GRK5: variants seen among roughly 807,000 people sequenced by gnomAD.
GRK5 encodes G protein-coupled receptor kinase 5, also known as g protein-coupled receptor kinase GRK5.
Under a neutral mutation model 78.4 loss-of-function variants are expected in GRK5, and 40 were observed. The ratio of observed to expected loss-of-function variants is 0.51; its 90% CI spans 0.40 to 0.66. The LOEUF (loss-of-function observed/expected upper bound fraction) is 0.66. Among genes scored for constraint, GRK5 ranks in the 30% least tolerant of loss-of-function variants. The pLI, the probability that GRK5 is intolerant of heterozygous loss-of-function variation, is 0.00. For missense variants in GRK5, 598 were observed against 759.9 expected, an observed-to-expected ratio of 0.79 and a Z score of 2.50; for synonymous variants, 289 against 296.8, an observed-to-expected ratio of 0.97 and a Z score of 0.27.
intron 2 of GRK5, among the ~76,000 whole-genome samples, chr10:119,360,520 G>A (rs1368715077): frequency 6.6e-6 from 1 of 150,764 alleles, no homozygotes; most frequent in East Asian, 2.0e-4. Context: ...GTGAGTGGGA[G>A]GAGCCTGTGT....
In GRK5 at chr10:119,378,976, C is replaced by T. The variant is rs1472120578; in HGVS notation, c.149-1839C>T. Among the ~76,000 whole-genome samples the T allele has an allele frequency of 6.6e-5, 10 of 152,166 alleles. No homozygotes were observed. The highest frequency in any genetic ancestry group is 6.5e-4 in the Admixed American group (10 of 15,288). On this transcript the variant is annotated intron_variant, in intron 2 of 15. Transcript: ENST00000392870. This position sits in a 1 kb window ranked among gnomAD's most constrained non-coding sequence, Gnocchi z 4.5. ...AGCACTGTGGCCAGGAGACAGAGGC[C>T]TTTTGATTGGCTGTGACTGAGTCAC...
intron 2 of GRK5, among the ~76,000 whole-genome samples, chr10:119,363,221 C>T (rs540510660): frequency 3.3e-5 from 5 of 150,212 alleles, no homozygotes; most frequent in South Asian, 2.1e-4. Flanking sequence ...GCAGAGGTTG[C>T]GGTGAGCCAA....
chr10:119,419,689 C>G (rs1337532441), intron 4 of GRK5, among the ~76,000 whole-genome samples: 1 of 152,246 alleles, frequency 6.6e-6, no homozygotes, highest in African/African-American at 2.4e-5. Context: ...TGGGTCACCT[C>G]TAGACCCTGG....
At chr10:119,406,345 C>T (rs1229610176) in intron 4 of GRK5, 2 of 413,066 alleles carry the variant, frequency 4.8e-6, no homozygotes, top group African/African-American at 2.2e-5. Context: ...GAGTCAGGCT[C>T]ATTCCTGATC....
In GRK5 at chr10:119,459,093, C is replaced by T. The variant is rs990182794; in HGVS notation, c.*4026C>T. 6.6e-6 allele frequency: 1 copy of T among 152,212 alleles called. No homozygotes were observed. The highest frequency in any genetic ancestry group is 6.5e-5 in the Admixed American group (1 of 15,280). 9.4% of individuals were successfully genotyped at this position (152,212 alleles called of 1,614,324 possible). On this transcript the variant is annotated 3_prime_UTR_variant, in exon 16 of 16. Coordinates refer to ENST00000392870, the MANE Select transcript of GRK5 (RefSeq NM_005308.3). The stretch of plus-strand genomic sequence containing the variant: ...ATAGGATCTTCCAACTTTTTAGCCC[C>T]GGCTGTGGAAAGATAGTGAGTATGA...
intron 3 of GRK5, among the ~76,000 whole-genome samples, chr10:119,390,648 T>C (rs4752299): frequency 0.61 from 92,429 of 151,956 alleles, 28,714 homozygotes; most frequent in Middle Eastern, 0.75. Flanking sequence ...TGAGCCGAGA[T>C]TGCACCACTG....
intron 3 of GRK5, among the ~76,000 whole-genome samples, chr10:119,395,550 G>C (rs538566772): frequency 6.6e-6 from 1 of 152,174 alleles, no homozygotes; most frequent in Admixed American, 6.5e-5. Context: ...TCCTTGGGTG[G>C]TGGATTTTGA....
chr10:119,414,597 C>G (rs1174300648), intron 4 of GRK5, among the ~76,000 whole-genome samples: 1 of 152,178 alleles, frequency 6.6e-6, no homozygotes, highest in African/African-American at 2.4e-5. Flanking sequence ...GCCAGATTCC[C>G]TAGGTTTGAA....
intron 9 of GRK5, among the ~76,000 whole-genome samples, chr10:119,437,263 G>A (rs568423848): frequency 9.9e-5 from 15 of 152,172 alleles, no homozygotes; most frequent in Admixed American, 6.5e-4. Flanking sequence ...AAGCAGAATC[G>A]GAGTGGCCCA....
chr10:119,252,729 G>A (rs76948979), intron 1 of GRK5, among the ~76,000 whole-genome samples: 3,215 of 152,290 alleles, frequency 0.021, 58 homozygotes, highest in Admixed American at 0.054. Flanking sequence ...TGAGTCCTGA[G>A]TTCCTGATTT....
intron 1 of GRK5, among the ~76,000 whole-genome samples, chr10:119,295,189 CAAAAAAAAAAAAAAA>C (rs35333246): frequency 1.2e-5 from 1 of 81,124 alleles, no homozygotes; most frequent in African/African-American, 5.0e-5. Flanking sequence ...GACTCAGTCT[CAAAAAAAAAAAAAAA>C]AAAAAAAAAG....
intron 1 of GRK5, among the ~76,000 whole-genome samples, chr10:119,252,989 G>T (rs1338836700): frequency 6.6e-6 from 1 of 152,188 alleles, no homozygotes; most frequent in Non-Finnish European, 1.5e-5. Flanking sequence ...ACCCTGAAGG[G>T]TGAGGGTCAT....
At chr10:119,284,918 C>T (rs1440287268) in intron 1 of GRK5, among the ~76,000 whole-genome samples, 1 of 152,214 alleles carries the variant, frequency 6.6e-6, no homozygotes, top group Non-Finnish European at 1.5e-5. Context: ...TCCGAGCTCC[C>T]CATCCTGGGC....
intron 12 of GRK5, among the ~76,000 whole-genome samples, chr10:119,444,282 C>T (rs1169537542): frequency 1.3e-5 from 2 of 152,148 alleles, no homozygotes; most frequent in Non-Finnish European, 2.9e-5. Context: ...TCCTGCATGA[C>T]AGGGTCTAGG....
intron 1 of GRK5, among the ~76,000 whole-genome samples, chr10:119,265,310 A>C (rs1310643539): frequency 6.6e-6 from 1 of 152,196 alleles, no homozygotes; most frequent in Non-Finnish European, 1.5e-5. Context: ...CCCGCAGGTG[A>C]GTGGCAGATC....
chr10:119,304,617 C>T (rs1041226598), intron 1 of GRK5, among the ~76,000 whole-genome samples: 40 of 152,186 alleles, frequency 2.6e-4, no homozygotes, highest in Non-Finnish European at 5.0e-4. Flanking sequence ...ATCCACCTAG[C>T]GAGCAGCTGA....
intron 2 of GRK5, chr10:119,335,049 TGAA>T (rs1850850773): frequency 6.6e-6 from 1 of 151,776 alleles, no homozygotes; most frequent in Non-Finnish European, 1.5e-5. Flanking sequence ...CTTCATAGTG[TGAA>T]GATTTCCTTG....
chr10:119,390,685 A>T (rs1237201840), intron 3 of GRK5, among the ~76,000 whole-genome samples: 3 of 152,088 alleles, frequency 2.0e-5, no homozygotes, highest in African/African-American at 2.4e-5. Flanking sequence ...ACAGAGTGAG[A>T]CTCCATCTCA....
At chr10:119,225,957 T>A (rs1377649024) in intron 1 of GRK5, among the ~76,000 whole-genome samples, 1 of 151,806 alleles carries the variant, frequency 6.6e-6, no homozygotes, top group Non-Finnish European at 1.5e-5. Context: ...CACGCCATTC[T>A]CCTGCTTCAG....
Sources: allele counts gnomAD v4.1 joint callset (sites outside exome capture counted in the v4.1 genomes callset), GRCh38; gene constraint gnomAD v4.1.1; non-coding constraint Gnocchi (gnomAD v3.1); transcripts MANE v1.5; gene names NCBI Gene and HGNC (gene_info 2026-07-23, HGNC 2026-07-21).